DDX39B: variants seen among roughly 807,000 people sequenced by gnomAD.
DDX39B encodes spliceosome RNA helicase DDX39B.
A neutral mutation model predicts 46.4 loss-of-function variants in DDX39B; 6 were observed. The observed-to-expected ratio is 0.13, with a 90% CI of 0.07 to 0.26. DDX39B has a LOEUF of 0.26. Ranked by LOEUF, DDX39B falls within the 10% of genes least tolerant of loss-of-function variation. The probability of loss-of-function intolerance (pLI) is 1.00; values close to 1 mark genes in which losing one functional copy is unlikely to be tolerated. For synonymous variants in DDX39B, 174 were observed against 199.4 expected, an observed-to-expected ratio of 0.87 and a Z score of 1.07; for missense variants, 185 against 553.4, an observed-to-expected ratio of 0.33 and a Z score of 6.68.
intron 4 of DDX39B, among the ~76,000 whole-genome samples, chr6:31,536,953 C>T (rs1302106017): frequency 6.6e-6 from 1 of 152,060 alleles, no homozygotes; most frequent in African/African-American, 2.4e-5. Context: ...TGAGGCCAGG[C>T]TTCATTTAAA....
intron 4 of DDX39B, among the ~76,000 whole-genome samples, chr6:31,538,223 C>T (rs2516394): frequency 0.85 from 128,646 of 151,768 alleles, 54,618 homozygotes; most frequent in East Asian, 0.93. Context: ...TGGCACAATC[C>T]CAGCTCACTA....
intron 4 of DDX39B, 72 bp from the exon 5 acceptor site, chr6:31,536,755 T>A: frequency 6.5e-7 from 1 of 1,538,556 alleles, no homozygotes; most frequent in Non-Finnish European, 8.7e-7. Context: ...GTTCCCACTC[T>A]GTTTGAGCTA....
At chr6:31,539,685 A>G (rs1157835589) in intron 2 of DDX39B, among the ~76,000 whole-genome samples, 1 of 152,230 alleles carries the variant, frequency 6.6e-6, no homozygotes, top group Admixed American at 6.5e-5. Context: ...GACAAAATGA[A>G]GGACTTGGTA....
chr6:31,540,375 T>C lies in DDX39B; in HGVS notation c.158A>G (p.Lys53Arg), dbSNP rs1768271197. 4 of 1,614,076 alleles carry C rather than the reference T, an allele frequency of 2.5e-6. No individual in the cohort carries two copies. The highest frequency in any genetic ancestry group is 2.2e-5 in the South Asian group (2 of 91,096). The part of the protein sequence containing the change: ...HSSGFRDFLL[K>R]PELLRAIVDC... ...GACAATGGCCCGGAGCAACTCTGGC[T>C]TGAGCAGGAAGTCACGAAAGCCAGA... Residue 53 changes from lysine to arginine, a missense_variant, in exon 2 of 11, where the codon AAG becomes AGG. Transcript: ENST00000396172.
Position 31,534,403 on chromosome 6 carries a change from G to A in DDX39B, c.735+964C>T, listed in dbSNP as rs747790886. ...CCCACGGGAAGGAACACTGCAGGGA[G>A]GGGAAGAACACACTCCACTGCTTAT... On this transcript the variant is annotated intron_variant, in intron 6 of 10. Coordinates refer to ENST00000396172, the MANE Select transcript of DDX39B (RefSeq NM_004640.7). This position sits in a 1 kb window ranked among gnomAD's most constrained non-coding sequence, Gnocchi z 5.1. 11 of 455,816 alleles carry A rather than the reference G, an allele frequency of 2.4e-5. No individual in the cohort carries two copies. Among genetic ancestry groups the A allele is most frequent in the Admixed American group, 7.9e-5 (3 of 37,880 alleles). 28.2% of individuals were successfully genotyped at this position (455,816 alleles called of 1,614,324 possible). A position where few individuals can be genotyped will look rare whatever the true frequency, so the allele number is the denominator to read the frequency against.
intron 7 of DDX39B, 66 bp downstream of exon 7, chr6:31,532,714 A>G: frequency 6.3e-7 from 1 of 1,575,978 alleles, no homozygotes; most frequent in South Asian, 1.1e-5. Flanking sequence ...AGTGTACTTA[A>G]TATCCAGGTT....
At chr6:31,538,632 A>ATTAT in intron 4 of DDX39B, 131 bp downstream of exon 4, 1 of 774,728 alleles carries the variant, frequency 1.3e-6, no homozygotes, top group South Asian at 1.8e-5. Context: ...CCTGTTACAT[A>ATTAT]GGAACTCAAC....
rs550434379 is a variant in DDX39B at position 31,535,748 on chromosome 6, C to A, written c.617-263G>T. Among the ~76,000 whole-genome samples the A allele has an allele frequency of 1.3e-5, 2 of 152,270 alleles. No individual in the cohort carries two copies. Among genetic ancestry groups the A allele is most frequent in the African/African-American group, 4.8e-5 (2 of 41,560 alleles). On this transcript the variant is annotated intron_variant, in intron 5 of 10. Transcript: ENST00000396172. This position sits in a 1 kb window ranked among gnomAD's most constrained non-coding sequence, Gnocchi z 4.6. The stretch of plus-strand genomic sequence containing the variant: ...AGGCTCTCAAGGCCTTCAAAACATG[C>A]TTTATGGGACCTTCTCCCAACCCTT...
chr6:31,532,890 C>T lies in DDX39B; in HGVS notation c.757G>A (p.Asp253Asn). The change falls in exon 7 of 11, where the codon GAT becomes AAT. Residue 253 changes from aspartate to asparagine, a missense_variant. Coordinates refer to ENST00000396172, the MANE Select transcript of DDX39B (RefSeq NM_004640.7). ...MQDPMEIFVD[D>N]ETKLTLHGLQ... ...CCATGCAGCGTCAACTTCGTCTCAT[C>T]ATCCACGAAGATCTCCATTGGCTGG... is the stretch of plus-strand genomic sequence containing the variant. 3 of 1,589,574 alleles carry T rather than the reference C, an allele frequency of 1.9e-6. No individual in the cohort carries two copies. The highest frequency in any genetic ancestry group is 2.6e-6 in the Non-Finnish European group (3 of 1,166,388).
At chr6:31,536,440 A>C (rs779882199) in intron 5 of DDX39B, 60 bp downstream of exon 5, 1 of 1,609,132 alleles carries the variant, frequency 6.2e-7, no homozygotes, top group Non-Finnish European at 8.5e-7. Flanking sequence ...TCAAATAAAC[A>C]TCATTTGGCT....
chr6:31,540,670 G>T lies in DDX39B; in HGVS notation c.-132-6C>A. On this transcript the variant is annotated splice_region_variant and splice_polypyrimidine_tract_variant and intron_variant, in intron 1 of 10. Coordinates refer to ENST00000396172, the MANE Select transcript of DDX39B (RefSeq NM_004640.7). ...TACTATTTCTAACAGAAGAGCTGGA[G>T]GGGGGAAAAAAAAAAGCAAGACTTA... is the stretch of plus-strand genomic sequence containing the variant. The T allele has an allele frequency of 3.0e-6, 2 of 657,292 alleles. No homozygotes were observed. The highest frequency in any genetic ancestry group is 4.7e-6 in the Non-Finnish European group (2 of 426,018). 40.7% of individuals were successfully genotyped at this position (657,292 alleles called of 1,614,324 possible).
Position 31,530,972 on chromosome 6 carries a change from G to C in DDX39B, c.1123-46C>G. Reference sequence around the variant, plus strand: ...GCACTGGAAGACCGAAGAGGAAAGAGACCCAGAGGCAGGAATGAAGATGTA... The same window carrying C: ...GCACTGGAAGACCGAAGAGGAAAGACACCCAGAGGCAGGAATGAAGATGTA... On this transcript the variant is annotated intron_variant, in intron 9 of 10. Coordinates refer to ENST00000396172, the MANE Select transcript of DDX39B (RefSeq NM_004640.7). This position sits in a 1 kb window ranked among gnomAD's most constrained non-coding sequence, Gnocchi z 4.5. 1 of 1,613,670 alleles carries C rather than the reference G, an allele frequency of 6.2e-7. No homozygotes were observed. The highest frequency in any genetic ancestry group is 8.5e-7 in the Non-Finnish European group (1 of 1,179,594).
chr6:31,541,433 G>A (rs1768437260), intron 1 of DDX39B: 3 of 370,104 alleles, frequency 8.1e-6, no homozygotes, highest in South Asian at 2.1e-5. Flanking sequence ...ACGAAGGTGA[G>A]ACTCCTTTTG....
Position 31,535,790 on chromosome 6 carries a change from G to A in DDX39B, c.617-305C>T, listed in dbSNP as rs1298385785. On this transcript the variant is annotated intron_variant, in intron 5 of 10. Transcript: ENST00000396172. The surrounding 1 kb of genome is among the most constrained non-coding windows in gnomAD (Gnocchi z 4.6). ...CCAACCCTTTCCTGCCCAAGCCCCA[G>A]CCAGCCTTCAGCAGACTACAAATAT... Among the ~76,000 whole-genome samples, 1 of 152,100 alleles carries A rather than the reference G, an allele frequency of 6.6e-6. No individual in the cohort carries two copies. The highest frequency in any genetic ancestry group is 1.5e-5 in the Non-Finnish European group (1 of 68,012).
At chr6:31,538,731 C>G (rs1768062084) in intron 4 of DDX39B, 32 bp downstream of exon 4, 1 of 1,586,930 alleles carries the variant, frequency 6.3e-7, no homozygotes, top group South Asian at 1.1e-5. Flanking sequence ...CTTGCCACAC[C>G]CTCACTCTCA....
At chr6:31,536,123 C>T (rs1767753873) in intron 5 of DDX39B, among the ~76,000 whole-genome samples, 1 of 152,188 alleles carries the variant, frequency 6.6e-6, no homozygotes, top group South Asian at 2.1e-4. Context: ...ACTTATTCAG[C>T]TATAAATTCT....
At chr6:31,541,658 G>T in intron 1 of DDX39B, 1 of 492,230 alleles carries the variant, frequency 2.0e-6, no homozygotes, top group African/African-American at 2.0e-5. Flanking sequence ...GCCGAGCGCC[G>T]CCTCTCATTG....
rs1767092634 is a variant in DDX39B, at chr6:31,530,966, G to A, written c.1123-40C>T. 2 of 1,613,592 alleles carry A rather than the reference G, an allele frequency of 1.2e-6. No individual in the cohort carries two copies. Among genetic ancestry groups the A allele is most frequent in the African/African-American group, 1.3e-5 (1 of 74,886 alleles). ...AGGGTAGCACTGGAAGACCGAAGAG[G>A]AAAGAGACCCAGAGGCAGGAATGAA... On this transcript the variant is annotated intron_variant, in intron 9 of 10. Coordinates refer to ENST00000396172, the MANE Select transcript of DDX39B (RefSeq NM_004640.7). This position sits in a 1 kb window ranked among gnomAD's most constrained non-coding sequence, Gnocchi z 4.5.
intron 5 of DDX39B, among the ~76,000 whole-genome samples, chr6:31,536,051 A>C (rs1305303542): frequency 6.6e-6 from 1 of 152,194 alleles, no homozygotes; most frequent in Non-Finnish European, 1.5e-5. Flanking sequence ...GCACACTAGA[A>C]TACCACATCA....
Sources: allele counts gnomAD v4.1 joint callset (sites outside exome capture counted in the v4.1 genomes callset), GRCh38; gene constraint gnomAD v4.1.1; non-coding constraint Gnocchi (gnomAD v3.1); transcripts MANE v1.5; gene names NCBI Gene and HGNC (gene_info 2026-07-23, HGNC 2026-07-21).